The following HEATR5A variants were observed in gnomAD, a reference collection of about 807,000 sequenced individuals.
HEATR5A encodes the protein HEAT repeat containing 5A, also known as HEAT repeat-containing protein 5A.
HEATR5A carries 178 observed loss-of-function variants against 218.8 expected under a neutral mutation model. The ratio of observed to expected loss-of-function variants is 0.81; its 90% CI spans 0.72 to 0.92. HEATR5A has a LOEUF of 0.92. Among genes scored for constraint, HEATR5A ranks in the 40% least tolerant of loss-of-function variants. The pLI, the probability that HEATR5A is intolerant of heterozygous loss-of-function variation, is 0.00. For synonymous variants in HEATR5A, 864 were observed against 871.6 expected (o/e 0.99, Z 0.15); for missense variants, 2,420 against 2,418.9 (o/e 1.00, Z -0.01).
intron 22 of HEATR5A, among the ~76,000 whole-genome samples, chr14:31,332,898 C>A (rs2094131): frequency 0.85 from 128,260 of 151,540 alleles, 55,165 homozygotes; most frequent in Non-Finnish European, 0.93. Context: ...AGGCAGAAGA[C>A]TCGCTTGAAC....
At chr14:31,330,882 T>C (rs916753831) in intron 22 of HEATR5A, among the ~76,000 whole-genome samples, 12 of 151,936 alleles carry the variant, frequency 7.9e-5, no homozygotes, top group Non-Finnish European at 1.5e-4. Context: ...GGTTTTCTTT[T>C]CTATCACATC....
intron 4 of HEATR5A, 34 bp from the exon 5 acceptor site, chr14:31,395,382 T>C: frequency 8.2e-7 from 1 of 1,223,808 alleles, no homozygotes; most frequent in Non-Finnish European, 1.1e-6. Flanking sequence ...ATAGGAAAAA[T>C]AATTAAACTG....
chr14:31,295,962 GA>G lies in HEATR5A; in HGVS notation c.5565del (p.Gln1856ArgfsTer14). 6.2e-7 allele frequency: 1 copy of G among 1,613,620 alleles called. No individual in the cohort carries two copies. The highest frequency in any genetic ancestry group is 8.5e-7 in the Non-Finnish European group (1 of 1,179,612). ...TTAAATTTATCAATACAGCGCTTCT[GA>G]AGGCATGGGATGGTAGTTACTTCTG... ...TSPEVTTIPC[L>X]QKRCIDKFKA... On this transcript the variant is annotated frameshift_variant, in exon 34 of 36. Transcript: ENST00000543095. LOFTEE classifies it high-confidence loss of function.
intron 6 of HEATR5A, among the ~76,000 whole-genome samples, chr14:31,392,576 T>C (rs914602540): frequency 2.0e-5 from 3 of 152,202 alleles, no homozygotes; most frequent in Non-Finnish European, 4.4e-5. Context: ...AAAATAAATA[T>C]ATTTATTCCT....
rs185819147 is a variant in HEATR5A, at chr14:31,386,520, G to A, written c.1245C>T (p.Ala415=). 77 of 1,606,760 alleles carry A rather than the reference G, an allele frequency of 4.8e-5. No homozygotes were observed. The highest frequency in any genetic ancestry group is 1.7e-4 in the Middle Eastern group (1 of 6,038). ...CACAAACCAGCATATGTTGGCTAGC[G>A]GCTACATCTGTGGAACCAAGCCGGG... ...LETRLGSTDV[A]ASQHMLVCAL... Residue 415 remains alanine, a synonymous_variant, in exon 9 of 36, where the codon GCC becomes GCT. Transcript: ENST00000543095.
chr14:31,327,444 C>T (rs1900308597), intron 22 of HEATR5A, among the ~76,000 whole-genome samples: 1 of 151,670 alleles, frequency 6.6e-6, no homozygotes, highest in Admixed American at 6.6e-5. Context: ...GAGGCGACCA[C>T]CACCACGCCC....
intron 14 of HEATR5A, among the ~76,000 whole-genome samples, chr14:31,359,729 CAAAA>C (rs376157768): frequency 6.2e-5 from 2 of 32,198 alleles, no homozygotes; most frequent in African/African-American, 1.7e-4. Flanking sequence ...CATCTCAAGA[CAAAA>C]AAAAAAAAAA....
chr14:31,364,757 T>C (rs1369930806), intron 13 of HEATR5A, among the ~76,000 whole-genome samples: 1 of 151,898 alleles, frequency 6.6e-6, no homozygotes, highest in East Asian at 2.0e-4. Context: ...CTCTCTCCTT[T>C]CATTTTCATG....
At chr14:31,325,918 T>C in intron 23 of HEATR5A, 1 of 535,730 alleles carries the variant, frequency 1.9e-6, no homozygotes, top group South Asian at 2.2e-5. Context: ...ATTTGTTTTA[T>C]ATAGGAAAGT....
At chr14:31,325,243 T>G (rs1172816375) in intron 23 of HEATR5A, among the ~76,000 whole-genome samples, 1 of 152,028 alleles carries the variant, frequency 6.6e-6, no homozygotes, top group African/African-American at 2.4e-5. Flanking sequence ...TTCCTCTCAT[T>G]TATTTTCTCT....
At chr14:31,320,795 GC>G (rs1270507543) in intron 25 of HEATR5A, among the ~76,000 whole-genome samples, 6 of 151,974 alleles carry the variant, frequency 3.9e-5, no homozygotes, top group Non-Finnish European at 8.8e-5. Context: ...TCCCTATGAT[GC>G]CCAGACTGGA....
At chr14:31,408,144 C>T (rs1352425951) in intron 1 of HEATR5A, among the ~76,000 whole-genome samples, 1 of 152,180 alleles carries the variant, frequency 6.6e-6, no homozygotes, top group East Asian at 1.9e-4. Flanking sequence ...TCATCATTTT[C>T]ATACCAGAGG....
intron 4 of HEATR5A, among the ~76,000 whole-genome samples, chr14:31,395,590 T>C (rs1191881822): frequency 6.6e-6 from 1 of 152,174 alleles, no homozygotes; most frequent in African/African-American, 2.4e-5. Context: ...TAAACAAAAT[T>C]ACATGAAAAG....
intron 3 of HEATR5A, 130 bp from the exon 4 acceptor site, chr14:31,398,911 C>T: frequency 1.7e-6 from 1 of 604,718 alleles, no homozygotes; most frequent in Non-Finnish European, 2.9e-6. Flanking sequence ...TTTGTATTAT[C>T]CTTTGAAACA....
chr14:31,297,873 T>G (rs2139123382), intron 33 of HEATR5A, among the ~76,000 whole-genome samples: 1 of 152,316 alleles, frequency 6.6e-6, no homozygotes, highest in South Asian at 2.1e-4. Context: ...ACAGAGAGTG[T>G]ACTGTTAACT....
chr14:31,382,474 A>G (rs2030033309), intron 10 of HEATR5A, among the ~76,000 whole-genome samples: 1 of 152,174 alleles, frequency 6.6e-6, no homozygotes, highest in African/African-American at 2.4e-5. Flanking sequence ...GTTTGTGAGA[A>G]GTATGGGTTA....
intron 15 of HEATR5A, 28 bp downstream of exon 15, chr14:31,358,866 T>A: frequency 6.2e-7 from 1 of 1,606,608 alleles, no homozygotes; most frequent in Non-Finnish European, 8.5e-7. Context: ...ACAGATTGAA[T>A]CTAATCAAGA....
intron 21 of HEATR5A, 86 bp from the exon 22 acceptor site, chr14:31,337,700 T>A (rs1478053546): frequency 8.5e-7 from 1 of 1,182,288 alleles, no homozygotes; most frequent in East Asian, 2.6e-5. Flanking sequence ...GACCCCTTCC[T>A]GATTCTGTCC....
chr14:31,337,039 A>G (rs931988226), intron 22 of HEATR5A, among the ~76,000 whole-genome samples: 1 of 152,246 alleles, frequency 6.6e-6, no homozygotes, highest in Non-Finnish European at 1.5e-5. Context: ...GTATCAAAAC[A>G]TAGAAAAAGT....
Sources: gnomAD v4.1 joint callset for allele counts (sites outside exome capture counted in the v4.1 genomes callset) on GRCh38, gnomAD v4.1.1 for gene constraint, MANE v1.5 for transcripts, NCBI Gene and HGNC (gene_info 2026-07-23, HGNC 2026-07-21) for gene names.